The following LAG3 variants were observed in gnomAD, a reference collection of about 807,000 sequenced individuals.
LAG3 encodes the protein lymphocyte activating 3.
A neutral mutation model predicts 49.0 loss-of-function variants in LAG3; 29 were observed. The ratio of observed to expected loss-of-function variants is 0.59; its 90% CI spans 0.44 to 0.81. LAG3 has a LOEUF of 0.81. Among genes scored for constraint, LAG3 ranks in the 30% least tolerant of loss-of-function variants. The pLI is 0.00. For synonymous variants in LAG3, 320 were observed against 297.3 expected (o/e 1.08, Z -0.79); for missense variants, 693 against 695.2 (o/e 1.00, Z 0.04).
At position 6,772,548 on chromosome 12, in the gene LAG3, C is replaced by T; in HGVS notation, c.-305C>T. The stretch of plus-strand genomic sequence containing the variant: ...GACCAGCAGAACGGCATCCCAGCCA[C>T]GACGGCCACTTTGCTCTGTCTGCTC... On this transcript the variant is annotated 5_prime_UTR_variant, in exon 1 of 8. It adds an upstream start codon to the 5' untranslated region. Coordinates refer to ENST00000203629, the MANE Select transcript of LAG3 (RefSeq NM_002286.6). 3.0e-6 allele frequency: 1 copy of T among 332,212 alleles called. No individual in the cohort carries two copies. The allele number at this position is 332,212 out of a possible 1,614,324, so 20.6% of individuals were successfully genotyped here. A position where few individuals can be genotyped will look rare whatever the true frequency, so the allele number is the denominator to read the frequency against.
Position 6,773,004 on chromosome 12 carries a change from T to G in LAG3, c.58+94T>G. The G allele has an allele frequency of 7.0e-7, 1 of 1,424,604 alleles. No homozygotes were observed. Among genetic ancestry groups the G allele is most frequent in the Admixed American group, 1.7e-5 (1 of 57,266 alleles). The allele number at this position is 1,424,604 out of a possible 1,614,324, so 88.2% of individuals were successfully genotyped here. On this transcript the variant is annotated intron_variant, in intron 1 of 7. Coordinates refer to ENST00000203629, the MANE Select transcript of LAG3 (RefSeq NM_002286.6). The surrounding 1 kb of genome is among the most constrained non-coding windows in gnomAD (Gnocchi z 5.5). ...CCACAAAGGTCCTGAGGTCCTTAGC[T>G]CTGTGGATTCTTCTAATCCCTTTTT...
chr12:6,777,300 G>T lies in LAG3; in HGVS notation c.1094G>T (p.Gly365Val), dbSNP rs748988711. The T allele has an allele frequency of 1.9e-6, 3 of 1,614,174 alleles. No individual in the cohort carries two copies. The South Asian group carries it at 3.3e-5, about 18-fold the overall frequency. Reference protein sequence around the residue: ...PKSFGSPGSLGKLLCEVTPVS... With the variant: ...PKSFGSPGSLVKLLCEVTPVS... ...TCCTTTGGGTCACCTGGATCCCTGGGGAAGCTGCTTTGTGAGGTGACTCCA... is the reference window on the plus strand; with the variant it reads ...TCCTTTGGGTCACCTGGATCCCTGGTGAAGCTGCTTTGTGAGGTGACTCCA... Residue 365 changes from glycine to valine, a missense_variant, in exon 6 of 8, where the codon GGG becomes GTG. Gly to Val is a moderately radical substitution (Grantham distance 109). Transcript: ENST00000203629.
rs144225016 is a variant in LAG3, at chr12:6,778,301, A to G, written c.1489A>G (p.Ser497Gly). 16 of 1,613,526 alleles carry G rather than the reference A, an allele frequency of 9.9e-6. No homozygotes were observed. Among genetic ancestry groups the G allele is most frequent in the Non-Finnish European group, 1.2e-5 (14 of 1,179,766 alleles). ...EQGIHPPQAQSKIEELEQEPE... is the reference protein window; with the variant it reads ...EQGIHPPQAQGKIEELEQEPE... ...AGGGATTCACCCTCCGCAGGCTCAG[A>G]GCAAGATAGAGGAGCTGGAGCAAGA... Residue 497 changes from serine to glycine, a missense_variant, in exon 8 of 8, where the codon AGC (serine) becomes GGC (glycine). Ser to Gly is a moderately conservative substitution (Grantham distance 56). Coordinates refer to ENST00000203629, the MANE Select transcript of LAG3 (RefSeq NM_002286.6).
Position 6,773,982 on chromosome 12 carries a change from G to T in LAG3, c.492G>T (p.Leu164=). 1 of 1,440,816 alleles carries T rather than the reference G, an allele frequency of 6.9e-7. No individual in the cohort carries two copies. The allele number at this position is 1,440,816 out of a possible 1,614,324, so 89.3% of individuals were successfully genotyped here. A position where few individuals can be genotyped will look rare whatever the true frequency, so the allele number is the denominator to read the frequency against. Residue 164 remains leucine, a synonymous_variant, in exon 3 of 8, where the codon CTG becomes CTT. Coordinates refer to ENST00000203629, the MANE Select transcript of LAG3 (RefSeq NM_002286.6). This position sits in a 1 kb window ranked among gnomAD's most constrained non-coding sequence, Gnocchi z 5.5. Reference sequence around the variant, plus strand: ...GCGCCCTCTCCTGCCGCCTCCGTCTGCGCCTGGGCCAGGCCTCGAGTATGT... The same window carrying T: ...GCGCCCTCTCCTGCCGCCTCCGTCTTCGCCTGGGCCAGGCCTCGAGTATGT... ...RDRALSCRLR[L]RLGQASMTAS...
chr12:6,776,458 G>C (rs1941908630), intron 5 of LAG3, among the ~76,000 whole-genome samples: 1 of 152,184 alleles, frequency 6.6e-6, no homozygotes, highest in African/African-American at 2.4e-5. Flanking sequence ...CTCAATGAGA[G>C]AGATACTGTT....
rs1941883027 is a variant in LAG3 at position 6,774,589 on chromosome 12, G to T, written c.512-6G>T. 1 of 1,612,278 alleles carries T rather than the reference G, an allele frequency of 6.2e-7. No individual in the cohort carries two copies. Among genetic ancestry groups the T allele is most frequent in the Non-Finnish European group, 8.5e-7 (1 of 1,179,052 alleles). On this transcript the variant is annotated splice_polypyrimidine_tract_variant and splice_region_variant and intron_variant, in intron 3 of 7. Transcript: ENST00000203629. ...GGCTGATGAAGTCTTCTTTATCCTTGCACAGTGACTGCCAGCCCCCCAGGA... is the reference window on the plus strand; with the variant it reads ...GGCTGATGAAGTCTTCTTTATCCTTTCACAGTGACTGCCAGCCCCCCAGGA...
chr12:6,775,790 C>T (rs1368509807), intron 5 of LAG3: 7 of 523,600 alleles, frequency 1.3e-5, no homozygotes, highest in Admixed American at 3.3e-5. Flanking sequence ...CTCCCCTGCT[C>T]TCAATTGGCG....
At position 6,775,447 on chromosome 12, in the gene LAG3, G is replaced by A. The variant is rs148559293; in HGVS notation, c.956G>A (p.Arg319Gln). The A allele has an allele frequency of 4.0e-4, 646 of 1,614,146 alleles. 1 individual carries two copies. In the African/African-American group the frequency reaches 4.3e-3, roughly 11 times the overall value. Reference sequence around the variant, plus strand: ...GGAGACAATGGCGACTTTACCCTTCGACTAGAGGATGTGAGCCAGGCCCAG... The same window carrying A: ...GGAGACAATGGCGACTTTACCCTTCAACTAGAGGATGTGAGCCAGGCCCAG... ...VTGDNGDFTL[R>Q]LEDVSQAQAG... is the part of the protein sequence containing the mutation. Residue 319 changes from arginine to glutamine, a missense_variant, in exon 5 of 8, where the codon CGA becomes CAA. Physicochemically the swap from Arg to Gln is conservative, Grantham distance 43. Transcript: ENST00000203629.
At chr12:6,772,970 T>A in intron 1 of LAG3, 60 bp downstream of exon 1, 1 of 1,561,700 alleles carries the variant, frequency 6.4e-7, no homozygotes, top group Admixed American at 1.7e-5. Flanking sequence ...CCAGCAGGGA[T>A]CTCTGTGGCC....
rs775994782 is a variant in LAG3, at chr12:6,775,283, C to A, written c.792C>A (p.Pro264=). The change falls in exon 5 of 8, where the codon CCC becomes CCA. Residue 264 remains proline, a synonymous_variant. Transcript: ENST00000203629. ...TTCTTTTCTCTTCAGGTCTGGAGCCCCCAACTCCCTTGACAGTGTACGCTG... is the reference window on the plus strand; with the variant it reads ...TTCTTTTCTCTTCAGGTCTGGAGCCACCAACTCCCTTGACAGTGTACGCTG... ...MYNLTVLGLE[P]PTPLTVYAGA... The A allele has an allele frequency of 6.2e-7, 1 of 1,613,392 alleles. No homozygotes were observed. The highest frequency in any genetic ancestry group is 8.5e-7 in the Non-Finnish European group (1 of 1,179,622).
In LAG3 at chr12:6,773,751, GGC is replaced by G. The variant is rs1784170835; in HGVS notation, c.264_265del (p.Pro89LeufsTer35). The G allele has an allele frequency of 4.5e-6, 6 of 1,327,038 alleles. No homozygotes were observed. The highest frequency in any genetic ancestry group is 5.7e-6 in the Non-Finnish European group (6 of 1,045,114). The allele number at this position is 1,327,038 out of a possible 1,614,324, so 82.2% of individuals were successfully genotyped here. On this transcript the variant is annotated frameshift_variant, in exon 3 of 8. Transcript: ENST00000203629. LOFTEE classifies it high-confidence loss of function. This position sits in a 1 kb window ranked among gnomAD's most constrained non-coding sequence, Gnocchi z 5.5. ...CCCTGGCCCCCGGCCCTCACCCGGC[GGC>G]GCCCTCCTCCTGGGGGCCCAGGCCC... ...HPLAPGPHPA[A>X]PSSWGPRPRR...
intron 5 of LAG3, 67 bp from the exon 6 acceptor site, chr12:6,777,197 G>A (rs900867509): frequency 6.3e-7 from 1 of 1,593,090 alleles, no homozygotes; most frequent in South Asian, 1.1e-5. Context: ...GAGACTTGGG[G>A]TTCAACCTGT....
intron 5 of LAG3, 136 bp from the exon 6 acceptor site, chr12:6,777,128 A>T (rs183797465): frequency 3.2e-4 from 267 of 842,402 alleles, no homozygotes; most frequent in African/African-American, 2.3e-3. Context: ...CGTGGCCATG[A>T]CCCATGATGT....
rs1031959264 is a variant in LAG3, at chr12:6,773,906, C to T, written c.416C>T (p.Ala139Val). The part of the protein sequence containing the change: ...RGDFSLWLRP[A>V]RRADAGEYRA... ...GACTTCTCGCTATGGCTGCGCCCAG[C>T]CCGGCGCGCGGACGCCGGCGAGTAC... The change falls in exon 3 of 8, where the codon GCC becomes GTC. Residue 139 changes from alanine (A) to valine (V), a missense_variant. Ala to Val is a moderately conservative substitution (Grantham distance 64). Coordinates refer to ENST00000203629, the MANE Select transcript of LAG3 (RefSeq NM_002286.6). The surrounding 1 kb of genome is among the most constrained non-coding windows in gnomAD (Gnocchi z 5.5). The T allele has an allele frequency of 5.8e-6, 8 of 1,382,886 alleles. No homozygotes were observed. The highest frequency in any genetic ancestry group is 6.5e-6 in the Non-Finnish European group (7 of 1,076,696). 85.7% of individuals were successfully genotyped at this position (1,382,886 alleles called of 1,614,324 possible).
Position 6,774,754 on chromosome 12 carries a change from G to C in LAG3, c.671G>C (p.Ser224Thr). 2 of 1,614,194 alleles carry C rather than the reference G, an allele frequency of 1.2e-6. No individual in the cohort carries two copies. Among genetic ancestry groups the C allele is most frequent in the Non-Finnish European group, 1.7e-6 (2 of 1,180,032 alleles). Residue 224 changes from serine (S) to threonine (T), a missense_variant, in exon 4 of 8, where the codon AGC becomes ACC. Transcript: ENST00000203629. ...RESPHHHLAE[S>T]FLFLPQVSPM... ...TCCCCCCATCACCACTTAGCGGAAAGCTTCCTCTTCCTGCCCCAAGTCAGC... is the reference window on the plus strand; with the variant it reads ...TCCCCCCATCACCACTTAGCGGAAACCTTCCTCTTCCTGCCCCAAGTCAGC...
In LAG3 at chr12:6,773,682, C is replaced by T; in HGVS notation, c.207-15C>T. 1 of 1,363,582 alleles carries T rather than the reference C, an allele frequency of 7.3e-7. No individual in the cohort carries two copies. The highest frequency in any genetic ancestry group is 9.4e-7 in the Non-Finnish European group (1 of 1,065,334). The allele number at this position is 1,363,582 out of a possible 1,614,324, so 84.5% of individuals were successfully genotyped here. ...ACCCCTGGAGCTTCTCAACTCCATT[C>T]TCTTTCCCGCCCAGTGGCCCGCCCG... On this transcript the variant is annotated splice_polypyrimidine_tract_variant and intron_variant, in intron 2 of 7. Transcript: ENST00000203629. The surrounding 1 kb of genome is among the most constrained non-coding windows in gnomAD (Gnocchi z 5.5).
intron 5 of LAG3, 81 bp downstream of exon 5, chr12:6,775,629 G>A: frequency 7.0e-7 from 1 of 1,424,432 alleles, no homozygotes; most frequent in Non-Finnish European, 9.7e-7. Context: ...GCAAAGACTA[G>A]GCAAACCCAC....
chr12:6,772,781 C>T lies in LAG3; in HGVS notation c.-72C>T, dbSNP rs1941858056. 9.4e-7 allele frequency: 1 copy of T among 1,067,620 alleles called. No individual in the cohort carries two copies. The highest frequency in any genetic ancestry group is 1.4e-6 in the Non-Finnish European group (1 of 730,664). The allele number at this position is 1,067,620 out of a possible 1,614,324, so 66.1% of individuals were successfully genotyped here. Reference sequence around the variant, plus strand: ...GCAGAACTTCTCCTTTACCCCCCACCCCCCACCACTGCCCCCTTTCCTTTT... The same window carrying T: ...GCAGAACTTCTCCTTTACCCCCCACTCCCCACCACTGCCCCCTTTCCTTTT... On this transcript the variant is annotated 5_prime_UTR_variant, in exon 1 of 8. Transcript: ENST00000203629.
In LAG3 at chr12:6,772,544, G is replaced by C. The variant is rs1193715134; in HGVS notation, c.-309G>C. The stretch of plus-strand genomic sequence containing the variant: ...CAGAGACCAGCAGAACGGCATCCCA[G>C]CCACGACGGCCACTTTGCTCTGTCT... On this transcript the variant is annotated 5_prime_UTR_variant, in exon 1 of 8. Transcript: ENST00000203629. 3.1e-6 allele frequency: 1 copy of C among 325,008 alleles called. No individual in the cohort carries two copies. 20.1% of individuals were successfully genotyped at this position (325,008 alleles called of 1,614,324 possible). A position where few individuals can be genotyped will look rare whatever the true frequency, so the allele number is the denominator to read the frequency against.
Sources: gnomAD v4.1 joint callset for allele counts (sites outside exome capture counted in the v4.1 genomes callset) on GRCh38, gnomAD v4.1.1 for gene constraint, Gnocchi (gnomAD v3.1) non-coding constraint, MANE v1.5 for transcripts, NCBI Gene and HGNC (gene_info 2026-07-23, HGNC 2026-07-21) for gene names.